Variants in ZNF423 observed in about 807,000 individuals in gnomAD.
ZNF423 encodes the protein zinc finger protein 423.
ZNF423 carries 12 observed loss-of-function variants against 95.8 expected under a neutral mutation model. The ratio of observed to expected loss-of-function variants is 0.13; its 90% CI spans 0.08 to 0.20. The LOEUF (loss-of-function observed/expected upper bound fraction) is 0.20, where lower values mean the gene tolerates loss of function less well. Among genes scored for constraint, ZNF423 ranks in the 10% least tolerant of loss-of-function variants. ZNF423 has a pLI of 1.00. For missense variants in ZNF423, 1,316 were observed against 1,737.1 expected, an observed-to-expected ratio of 0.76 and a Z score of 4.31; for synonymous variants, 749 against 711.9, an observed-to-expected ratio of 1.05 and a Z score of -0.83.
chr16:49,810,258 C>T (rs1004239473), intron 1 of ZNF423, among the ~76,000 whole-genome samples: 33 of 152,156 alleles, frequency 2.2e-4, no homozygotes, highest in African/African-American at 8.0e-4. Flanking sequence ...CAGCCCCTTG[C>T]CCCCAGCCCT....
intron 5 of ZNF423, among the ~76,000 whole-genome samples, chr16:49,593,602 A>G (rs1015631933): frequency 1.3e-5 from 2 of 151,336 alleles, no homozygotes; most frequent in Admixed American, 1.3e-4. Context: ...TCCAAACTCT[A>G]CCCTGACTCT....
chr16:49,579,385 A>T (rs1035425612), intron 5 of ZNF423, among the ~76,000 whole-genome samples: 1 of 151,892 alleles, frequency 6.6e-6, no homozygotes, highest in African/African-American at 2.4e-5. Flanking sequence ...CAGTCACTCC[A>T]CTTCCCTTCC....
Position 49,762,509 on chromosome 16 carries a change from C to A in ZNF423, c.100+26978G>T, listed in dbSNP as rs547872291. Among the ~76,000 whole-genome samples the A allele has an allele frequency of 6.6e-5, 10 of 152,332 alleles. No homozygotes were observed. The East Asian group carries it at 1.7e-3, about 26-fold the overall frequency. On this transcript the variant is annotated intron_variant, in intron 2 of 7. Transcript: ENST00000563137. ...AGGAATGACCATGTCTGTGTCTAGACAAGAGGACTAATGTTCATGAGGTCA... is the reference window on the plus strand; with the variant it reads ...AGGAATGACCATGTCTGTGTCTAGAAAAGAGGACTAATGTTCATGAGGTCA...
chr16:49,815,167 G>C (rs2034817623), intron 1 of ZNF423, among the ~76,000 whole-genome samples: 1 of 152,140 alleles, frequency 6.6e-6, no homozygotes. Flanking sequence ...ATGGGTCAAA[G>C]AGGGCCTACC....
At position 49,565,462 on chromosome 16, in the gene ZNF423, C is replaced by T. The variant is rs945076520; in HGVS notation, c.3602-39968G>A. 5.3e-5 allele frequency among the ~76,000 whole-genome samples: 8 copies of T among 152,244 alleles called. No homozygotes were observed. The East Asian group carries it at 1.5e-3, about 29-fold the overall frequency. The stretch of plus-strand genomic sequence containing the variant: ...GCCAGAGCACCATCGGCCCCTCTCA[C>T]TAGGGCTCTGCCCAGGACTCCTCTG... On this transcript the variant is annotated intron_variant, in intron 5 of 7. Coordinates refer to ENST00000563137, the MANE Select transcript of ZNF423 (RefSeq NM_001379286.1).
intron 2 of ZNF423, among the ~76,000 whole-genome samples, chr16:49,752,831 G>A (rs1473707953): frequency 6.6e-6 from 1 of 152,202 alleles, no homozygotes; most frequent in East Asian, 1.9e-4. Flanking sequence ...AGCCTCACAT[G>A]TCCTCACCCA....
At chr16:49,767,214 C>T (rs729450) in intron 2 of ZNF423, among the ~76,000 whole-genome samples, 76,598 of 151,856 alleles carry the variant, frequency 0.5, 19,571 homozygotes, top group African/African-American at 0.58. Flanking sequence ...CATCGGCCTC[C>T]CAAAGTGCGG....
At chr16:49,584,120 G>A (rs1197154346) in intron 5 of ZNF423, among the ~76,000 whole-genome samples, 1 of 152,228 alleles carries the variant, frequency 6.6e-6, no homozygotes, top group African/African-American at 2.4e-5. Context: ...GGAAGATGCA[G>A]GAATGCAAAC....
At chr16:49,833,728 T>G (rs1012873504) in intron 1 of ZNF423, among the ~76,000 whole-genome samples, 1 of 151,946 alleles carries the variant, frequency 6.6e-6, no homozygotes, top group African/African-American at 2.4e-5. Flanking sequence ...GTTCCCAAAT[T>G]TCAACAGCCC....
chr16:49,550,302 T>G (rs1969588811), intron 5 of ZNF423, among the ~76,000 whole-genome samples: 1 of 152,246 alleles, frequency 6.6e-6, no homozygotes, highest in Non-Finnish European at 1.5e-5. Context: ...ATTCTGACAT[T>G]ACCCTTCCCT....
chr16:49,769,804 T>C (rs1461056664), intron 2 of ZNF423, among the ~76,000 whole-genome samples: 5 of 116,192 alleles, frequency 4.3e-5, no homozygotes, highest in Non-Finnish European at 8.8e-5. Flanking sequence ...CAAGCCCACC[T>C]CTCCCTCCTC....
intron 3 of ZNF423, among the ~76,000 whole-genome samples, chr16:49,726,974 A>C (rs2033036350): frequency 1.3e-5 from 2 of 152,004 alleles, no homozygotes; most frequent in Non-Finnish European, 2.9e-5. Flanking sequence ...CACAACCCCA[A>C]GCATGCGAAC....
chr16:49,691,239 C>A (rs1253562022), intron 3 of ZNF423, among the ~76,000 whole-genome samples: 2 of 152,274 alleles, frequency 1.3e-5, no homozygotes, highest in African/African-American at 4.8e-5. Flanking sequence ...TGGCCACCTT[C>A]TATGCCCCCT....
intron 3 of ZNF423, among the ~76,000 whole-genome samples, chr16:49,714,280 A>G (rs1361126144): frequency 6.6e-6 from 1 of 151,966 alleles, no homozygotes; most frequent in African/African-American, 2.4e-5. Context: ...TGTTTCCCCA[A>G]CCAGGGCAGG....
intron 1 of ZNF423, among the ~76,000 whole-genome samples, chr16:49,791,355 C>A (rs1900670647): frequency 6.6e-6 from 1 of 152,234 alleles, no homozygotes. Flanking sequence ...AACCAGACAG[C>A]CTCCAAAACA....
At chr16:49,651,270 C>G (rs980785720) in intron 3 of ZNF423, among the ~76,000 whole-genome samples, 1 of 151,860 alleles carries the variant, frequency 6.6e-6, no homozygotes, top group East Asian at 1.9e-4. Flanking sequence ...AAGGGATCCT[C>G]CTGCCTCAGC....
chr16:49,710,489 C>T (rs1016619449), intron 3 of ZNF423, among the ~76,000 whole-genome samples: 5 of 152,260 alleles, frequency 3.3e-5, no homozygotes, highest in Non-Finnish European at 7.3e-5. Flanking sequence ...CCTGAAGTCA[C>T]TTCAGGGCCG....
At chr16:49,693,826 C>G (rs1456239757) in intron 3 of ZNF423, among the ~76,000 whole-genome samples, 1 of 152,230 alleles carries the variant, frequency 6.6e-6, no homozygotes, top group Admixed American at 6.5e-5. Context: ...GACAAGAACA[C>G]TAGAGAGATG....
intron 3 of ZNF423, among the ~76,000 whole-genome samples, chr16:49,677,119 G>A (rs1461959572): frequency 6.6e-6 from 1 of 150,706 alleles, no homozygotes; most frequent in Admixed American, 6.7e-5. Context: ...CCAGAAGGCT[G>A]AGGCAGGAGA....
Sources: gnomAD v4.1 joint callset for allele counts (sites outside exome capture counted in the v4.1 genomes callset) on GRCh38, gnomAD v4.1.1 for gene constraint, MANE v1.5 for transcripts, NCBI Gene and HGNC (gene_info 2026-07-23, HGNC 2026-07-21) for gene names.